UGGT2: variants seen among roughly 807,000 people sequenced by gnomAD.
UGGT2 encodes the protein UDP-glucose:glycoprotein glucosyltransferase 2.
In UGGT2, 180 loss-of-function variants were observed where a neutral mutation model predicts 192.1. That is an observed-to-expected ratio of 0.94 (90% confidence interval 0.83 to 1.06). UGGT2 has a LOEUF of 1.06. Among genes scored for constraint, UGGT2 ranks in the 50% least tolerant of loss-of-function variants. The probability of loss-of-function intolerance (pLI) is 0.00; values close to 1 mark genes in which losing one functional copy is unlikely to be tolerated. For synonymous variants in UGGT2, 580 were observed against 591.0 expected, an observed-to-expected ratio of 0.98 and a Z score of 0.27; for missense variants, 1,849 against 1,795.7, an observed-to-expected ratio of 1.03 and a Z score of -0.54.
In UGGT2 at chr13:95,870,961, C is replaced by G. The variant is rs530625623; in HGVS notation, c.3474-3538G>C. Among the ~76,000 whole-genome samples the G allele has an allele frequency of 9.8e-5, 15 of 152,336 alleles. No individual in the cohort carries two copies. The South Asian group carries it at 3.1e-3, about 32-fold the overall frequency. On this transcript the variant is annotated intron_variant, in intron 29 of 38. Transcript: ENST00000376747. ...GCCATAGGGCAATGCAGCAAGAAGGCTTCTGCCAGATGCTGTCCCTCAATC... is the reference window on the plus strand; with the variant it reads ...GCCATAGGGCAATGCAGCAAGAAGGGTTCTGCCAGATGCTGTCCCTCAATC...
chr13:95,833,670 A>G (rs995141218), intron 37 of UGGT2, among the ~76,000 whole-genome samples: 5 of 152,216 alleles, frequency 3.3e-5, no homozygotes, highest in Admixed American at 6.5e-5. Flanking sequence ...CTGACACACT[A>G]TGTATCTGAA....
chr13:95,911,543 T>C (rs2140345606), intron 20 of UGGT2, among the ~76,000 whole-genome samples: 1 of 152,244 alleles, frequency 6.6e-6, no homozygotes, highest in Non-Finnish European at 1.5e-5. Flanking sequence ...AGGAAGAAGC[T>C]GAATCTCTGA....
intron 16 of UGGT2, among the ~76,000 whole-genome samples, chr13:95,939,082 C>T (rs988197366): frequency 1.3e-5 from 2 of 152,172 alleles, no homozygotes; most frequent in African/African-American, 4.8e-5. Context: ...TCACAAGACC[C>T]TGTATATTCA....
chr13:95,848,696 A>C (rs1035957903), intron 36 of UGGT2, among the ~76,000 whole-genome samples: 4 of 152,188 alleles, frequency 2.6e-5, no homozygotes, highest in Non-Finnish European at 5.9e-5. Context: ...CAGTGAAATA[A>C]GTCTGGTATT....
At chr13:96,007,774 A>G (rs1379372600) in intron 5 of UGGT2, among the ~76,000 whole-genome samples, 1 of 152,230 alleles carries the variant, frequency 6.6e-6, no homozygotes, top group African/African-American at 2.4e-5. Context: ...AACACTGATG[A>G]AAGGAATCGA....
intron 36 of UGGT2, among the ~76,000 whole-genome samples, chr13:95,838,403 C>T (rs1887524508): frequency 6.6e-6 from 1 of 152,122 alleles, no homozygotes; most frequent in South Asian, 2.1e-4. Flanking sequence ...TTAACACAAT[C>T]CCAATCAAAG....
At chr13:95,879,837 ATTG>A (rs2047442436) in intron 27 of UGGT2, among the ~76,000 whole-genome samples, 1 of 152,194 alleles carries the variant, frequency 6.6e-6, no homozygotes, top group Non-Finnish European at 1.5e-5. Flanking sequence ...TTAAATATTA[ATTG>A]TTGATACCAG....
chr13:96,040,495 A>G (rs1195909523), intron 1 of UGGT2, among the ~76,000 whole-genome samples: 1 of 152,132 alleles, frequency 6.6e-6, no homozygotes, highest in Non-Finnish European at 1.5e-5. Context: ...TAACACAGAC[A>G]TTTTTCCAAA....
intron 19 of UGGT2, 115 bp downstream of exon 19, chr13:95,926,913 A>T (rs2049032158): frequency 6.4e-6 from 6 of 942,374 alleles, no homozygotes; most frequent in Non-Finnish European, 9.3e-6. Flanking sequence ...TAAAATTGAA[A>T]TCTAGGCCTC....
Position 96,009,806 on chromosome 13 carries a change from AAAAT to A in UGGT2, c.660+3497_660+3500del, listed in dbSNP as rs997599501. Among the ~76,000 whole-genome samples the A allele has an allele frequency of 1.3e-4, 19 of 146,344 alleles. 1 individual carries two copies. The highest frequency in any genetic ancestry group is 1.1e-4 in the Non-Finnish European group (7 of 66,198). On this transcript the variant is annotated intron_variant, in intron 5 of 38. Coordinates refer to ENST00000376747, the MANE Select transcript of UGGT2 (RefSeq NM_020121.4). ...CTGGCGATAGAGCAAGACTCTGTCT[AAAAT>A]AAATAAATAAATAAAGTGAGCAAAG...
intron 13 of UGGT2, 122 bp downstream of exon 13, chr13:95,949,213 G>T (rs1007890335): frequency 1.0e-6 from 1 of 995,666 alleles, no homozygotes; most frequent in Non-Finnish European, 1.3e-6. Flanking sequence ...TAAGCTTGCT[G>T]CTTCAGGCAA....
chr13:95,856,991 TGAGA>T (rs1302732461), intron 33 of UGGT2, among the ~76,000 whole-genome samples: 1 of 152,012 alleles, frequency 6.6e-6, no homozygotes, highest in Non-Finnish European at 1.5e-5. Context: ...GCTCAAATAC[TGAGA>T]GAGAAAATGA....
intron 17 of UGGT2, 67 bp downstream of exon 17, chr13:95,936,852 TTAAAA>T (rs1425094092): frequency 1.5e-6 from 2 of 1,307,274 alleles, no homozygotes; most frequent in African/African-American, 1.5e-5. Context: ...ACTTCTGTCA[TTAAAA>T]TAAGTTTTTA....
intron 36 of UGGT2, among the ~76,000 whole-genome samples, chr13:95,848,755 G>T (rs1360635525): frequency 6.6e-6 from 1 of 152,002 alleles, no homozygotes; most frequent in African/African-American, 2.4e-5. Context: ...GGTTATTCTA[G>T]GTCTTTTCCT....
chr13:96,022,528 CTACTT>C (rs937415986), intron 4 of UGGT2, among the ~76,000 whole-genome samples: 13 of 151,482 alleles, frequency 8.6e-5, no homozygotes, highest in Admixed American at 1.3e-4. Flanking sequence ...ATTAAAAAAA[CTACTT>C]TATTATTTTT....
At chr13:95,881,176 G>A (rs374041024) in intron 27 of UGGT2, among the ~76,000 whole-genome samples, 120 of 152,284 alleles carry the variant, frequency 7.9e-4, no homozygotes, top group African/African-American at 2.6e-3. Flanking sequence ...GGGCAACAGA[G>A]CAAGACTCCA....
At chr13:95,931,140 T>C (rs113794032) in intron 17 of UGGT2, among the ~76,000 whole-genome samples, 2,546 of 152,216 alleles carry the variant, frequency 0.017, 73 homozygotes, top group African/African-American at 0.058. Flanking sequence ...AGGGTGCTGA[T>C]TGGTGTGTTT....
chr13:95,807,142 T>C (rs1326063157), intron 38 of UGGT2, among the ~76,000 whole-genome samples: 1 of 152,210 alleles, frequency 6.6e-6, no homozygotes, highest in Non-Finnish European at 1.5e-5. Context: ...ATGTATTATA[T>C]ACTGTATTCT....
At chr13:96,018,748 A>C (rs965100062) in intron 4 of UGGT2, among the ~76,000 whole-genome samples, 2 of 151,682 alleles carry the variant, frequency 1.3e-5, no homozygotes, top group African/African-American at 4.8e-5. Context: ...TGAAAAAAAA[A>C]ACAAAAAAAA....
Sources: allele counts gnomAD v4.1 joint callset (sites outside exome capture counted in the v4.1 genomes callset), GRCh38; gene constraint gnomAD v4.1.1; transcripts MANE v1.5; gene names NCBI Gene and HGNC (gene_info 2026-07-23, HGNC 2026-07-21).